The following ANK2 variants were observed in gnomAD, a reference collection of about 807,000 sequenced individuals.
ANK2 encodes ankyrin-2.
Under a neutral mutation model 360.5 loss-of-function variants are expected in ANK2, and 83 were observed. The observed-to-expected ratio is 0.23, with a 90% confidence interval of 0.19 to 0.28. The LOEUF is 0.28. Among genes scored for constraint, ANK2 ranks in the 10% least tolerant of loss-of-function variants. ANK2 has a pLI of 1.00. For missense variants in ANK2, 4,201 were observed against 4,795.7 expected, an observed-to-expected ratio of 0.88 and a Z score of 3.66; for synonymous variants, 1,740 against 1,759.5, an observed-to-expected ratio of 0.99 and a Z score of 0.28.
At chr4:112,726,873 AT>A in the ANK2 span, among the ~76,000 whole-genome samples, 2 of 151,376 alleles carry the variant, frequency 1.3e-5, no homozygotes, top group African/African-American at 4.8e-5. Context: ...AAAAAAAAGA[AT>A]TCTCCTATTG....
chr4:112,854,744 C>T (rs948804792), intron 1 of ANK2, among the ~76,000 whole-genome samples: 2 of 152,006 alleles, frequency 1.3e-5, no homozygotes, highest in South Asian at 2.1e-4. Flanking sequence ...ATAATGAGTT[C>T]ATAGTGGATA....
At chr4:113,336,444 T>A (rs1235482431) in intron 30 of ANK2, 133 bp from the exon 31 acceptor site, 2 of 912,914 alleles carry the variant, frequency 2.2e-6, no homozygotes, top group Non-Finnish European at 3.2e-6. Flanking sequence ...GATTGCCATA[T>A]TTGAAGCCCA....
intron 1 of ANK2, among the ~76,000 whole-genome samples, chr4:112,876,783 A>G (rs905554540): frequency 2.0e-5 from 3 of 152,136 alleles, no homozygotes; most frequent in Admixed American, 6.5e-5. Context: ...CACCCAATCC[A>G]TGTGTCAGGT....
chr4:112,709,975 T>C, the ANK2 span, among the ~76,000 whole-genome samples: 1 of 152,194 alleles, frequency 6.6e-6, no homozygotes, highest in East Asian at 1.9e-4. Context: ...GGCACCAAAC[T>C]AGTGTTCCTT....
intron 1 of ANK2, among the ~76,000 whole-genome samples, chr4:113,109,224 C>T (rs898066473): frequency 1.3e-5 from 2 of 152,170 alleles, no homozygotes; most frequent in East Asian, 1.9e-4. Flanking sequence ...TAACTGCTTT[C>T]CTTACTCCAT....
chr4:113,361,595 A>G (rs1474074923), intron 39 of ANK2, among the ~76,000 whole-genome samples: 1 of 151,592 alleles, frequency 6.6e-6, no homozygotes, highest in African/African-American at 2.4e-5. Context: ...ATTGTAAAAT[A>G]ATATTCTTTT....
the ANK2 span, among the ~76,000 whole-genome samples, chr4:112,772,153 A>T: frequency 2.6e-5 from 4 of 152,204 alleles, no homozygotes; most frequent in Non-Finnish European, 5.9e-5. Flanking sequence ...TGGGTAATTT[A>T]TAAAGAAAAA....
chr4:113,332,496 G>C (rs2092695409), intron 28 of ANK2, among the ~76,000 whole-genome samples: 1 of 152,210 alleles, frequency 6.6e-6, no homozygotes, highest in Non-Finnish European at 1.5e-5. Flanking sequence ...ACACAATTGG[G>C]CTGTCTGCTG....
the ANK2 span, among the ~76,000 whole-genome samples, chr4:112,806,370 A>G: frequency 2.6e-5 from 4 of 152,130 alleles, no homozygotes; most frequent in African/African-American, 7.2e-5. Context: ...TGTTGTTGCA[A>G]ATGACAGCAT....
chr4:112,829,741 G>T (rs1462936324), intron 1 of ANK2, among the ~76,000 whole-genome samples: 1 of 151,978 alleles, frequency 6.6e-6, no homozygotes, highest in Non-Finnish European at 1.5e-5. Flanking sequence ...AGATCACAAG[G>T]TCAGGAGATG....
intron 2 of ANK2, among the ~76,000 whole-genome samples, chr4:112,935,834 C>T (rs1436126235): frequency 7.1e-6 from 1 of 141,010 alleles, no homozygotes; most frequent in Non-Finnish European, 1.5e-5. Flanking sequence ...AAGACTGAGA[C>T]CTTGTCTCAA....
At chr4:112,972,824 G>T (rs1582265742) in intron 2 of ANK2, among the ~76,000 whole-genome samples, 1 of 152,052 alleles carries the variant, frequency 6.6e-6, no homozygotes, top group Admixed American at 6.6e-5. Context: ...ATATACCATG[G>T]AATACTACTC....
intron 4 of ANK2, among the ~76,000 whole-genome samples, chr4:113,227,589 A>G (rs1454975877): frequency 6.6e-6 from 1 of 152,174 alleles, no homozygotes; most frequent in Non-Finnish European, 1.5e-5. Context: ...AGTGGTACCT[A>G]GGCACTCTTA....
At chr4:112,982,470 T>C (rs1043841482) in intron 2 of ANK2, among the ~76,000 whole-genome samples, 1 of 152,232 alleles carries the variant, frequency 6.6e-6, no homozygotes, top group African/African-American at 2.4e-5. Flanking sequence ...AATGAAACTT[T>C]CTAATTTTAA....
chr4:113,196,499 T>G, intron 3 of ANK2, 33 bp downstream of exon 3: 1 of 1,541,930 alleles, frequency 6.5e-7, no homozygotes, highest in Non-Finnish European at 8.9e-7. Context: ...ATTTTTTTCC[T>G]TAGAAAAGCG....
chr4:112,706,724 C>G, the ANK2 span: 2 of 152,276 alleles, frequency 1.3e-5, no homozygotes, highest in Non-Finnish European at 2.9e-5. Flanking sequence ...TCTCAACTTT[C>G]GGGCAAAGCT....
Position 113,365,199 on chromosome 4 carries a change from G to T in ANK2, c.11032+17G>T, listed in dbSNP as rs587780853. The T allele has an allele frequency of 6.6e-7, 1 of 1,520,314 alleles. No individual in the cohort carries two copies. Among genetic ancestry groups the T allele is most frequent in the Non-Finnish European group, 8.8e-7 (1 of 1,132,774 alleles). The allele number at this position is 1,520,314 out of a possible 1,614,324, so 94.2% of individuals were successfully genotyped here. A position where few individuals can be genotyped will look rare whatever the true frequency, so the allele number is the denominator to read the frequency against. ...ATAGTGAAGGTCAAACTGTGTGTGT[G>T]TATGTGTGTGTGTGTGTGTGTGTGT... is the stretch of plus-strand genomic sequence containing the variant. On this transcript the variant is annotated intron_variant, in intron 41 of 45. Transcript: ENST00000357077.
At chr4:112,775,372 A>C in the ANK2 span, among the ~76,000 whole-genome samples, 1 of 152,040 alleles carries the variant, frequency 6.6e-6, no homozygotes, top group East Asian at 1.9e-4. Context: ...TACAAAAATT[A>C]GCTGGGTGTG....
At chr4:113,019,741 C>G (rs1489010571) in intron 2 of ANK2, among the ~76,000 whole-genome samples, 3 of 152,020 alleles carry the variant, frequency 2.0e-5, no homozygotes, top group African/African-American at 7.2e-5. Context: ...TCTCATTTTT[C>G]TGTTTGCTTA....
Sources: gnomAD v4.1 joint callset for allele counts (sites outside exome capture counted in the v4.1 genomes callset) on GRCh38, gnomAD v4.1.1 for gene constraint, MANE v1.5 for transcripts, NCBI Gene and HGNC (gene_info 2026-07-23, HGNC 2026-07-21) for gene names.